Variants in RPUSD4 observed in about 807,000 individuals in gnomAD.
The protein encoded by RPUSD4 is RNA pseudouridine synthase D4.
RPUSD4 carries 37 observed loss-of-function variants against 35.4 expected under a neutral mutation model. The ratio of observed to expected loss-of-function variants is 1.04; its 90% CI spans 0.80 to 1.37. The LOEUF is 1.37. RPUSD4 is among the 40% of genes most tolerant of loss of function. The probability of loss-of-function intolerance (pLI) is 0.00; values close to 1 mark genes in which losing one functional copy is unlikely to be tolerated. For missense variants in RPUSD4, 507 were observed against 484.9 expected (o/e 1.05, Z -0.43); for synonymous variants, 210 against 192.7 (o/e 1.09, Z -0.74).
At chr11:126,210,550 C>CACA (rs3220746) in intron 2 of RPUSD4, among the ~76,000 whole-genome samples, 1 of 144,634 alleles carries the variant, frequency 6.9e-6, no homozygotes, top group African/African-American at 2.6e-5. Flanking sequence ...CACACACACA[C>CACA]CCCCTTTTTT....
intron 3 of RPUSD4, among the ~76,000 whole-genome samples, chr11:126,207,457 C>T (rs140085630): frequency 1.0e-3 from 156 of 152,314 alleles, no homozygotes; most frequent in Non-Finnish European, 1.8e-3. Context: ...TTAAAGGGCT[C>T]CTCAGATTCA....
chr11:126,207,891 C>G (rs1949789796), intron 3 of RPUSD4, among the ~76,000 whole-genome samples: 1 of 150,488 alleles, frequency 6.6e-6, no homozygotes, highest in South Asian at 2.1e-4. Flanking sequence ...TAATAATAAA[C>G]AACCCTGTAG....
Position 126,202,268 on chromosome 11 carries a change from T to G in RPUSD4, c.*1150A>C, listed in dbSNP as rs1029477170. 6.6e-6 allele frequency: 1 copy of G among 152,232 alleles called. No individual in the cohort carries two copies. The highest frequency in any genetic ancestry group is 1.5e-5 in the Non-Finnish European group (1 of 68,076). The allele number at this position is 152,232 out of a possible 1,614,324, so 9.4% of individuals were successfully genotyped here. On this transcript the variant is annotated 3_prime_UTR_variant, in exon 7 of 7. Coordinates refer to ENST00000298317, the MANE Select transcript of RPUSD4 (RefSeq NM_032795.3). ...GTCAGAAAGAAAAAGTAGTGTGAGG[T>G]GTATTTGTTTGCAAGAAACAAGGTG... is the stretch of plus-strand genomic sequence containing the variant.
In RPUSD4 at chr11:126,202,682, A is replaced by G. The variant is rs1388802392; in HGVS notation, c.*736T>C. The G allele has an allele frequency of 1.3e-5, 2 of 152,258 alleles. No homozygotes were observed. The highest frequency in any genetic ancestry group is 2.9e-5 in the Non-Finnish European group (2 of 68,056). The allele number at this position is 152,258 out of a possible 1,614,324, so 9.4% of individuals were successfully genotyped here. A position where few individuals can be genotyped will look rare whatever the true frequency, so the allele number is the denominator to read the frequency against. On this transcript the variant is annotated 3_prime_UTR_variant, in exon 7 of 7. Transcript: ENST00000298317. The stretch of plus-strand genomic sequence containing the variant: ...AAAAATTTGATTTAGTTGGCAATAC[A>G]CTGGGAGGTTTCACATAAATATCTA...
Position 126,211,449 on chromosome 11 carries a change from C to T in RPUSD4, c.189+1G>A, listed in dbSNP as rs1949866905. ...GGGAGTTCTGGTCCCTTTGGACTCA[C>T]CGGCTCCTTCTTTGTGTCTTGTTCC... On this transcript the variant is annotated splice_donor_variant, in intron 1 of 6. Transcript: ENST00000298317. LOFTEE classifies it high-confidence loss of function. 6.2e-7 allele frequency: 1 copy of T among 1,611,104 alleles called. No homozygotes were observed. Among genetic ancestry groups the T allele is most frequent in the South Asian group, 1.1e-5 (1 of 90,880 alleles).
intron 3 of RPUSD4, chr11:126,209,197 C>A (rs1295277750): frequency 4.1e-6 from 1 of 243,016 alleles, no homozygotes; most frequent in African/African-American, 2.3e-5. Flanking sequence ...CACTATGTTG[C>A]CCAGGCTGTT....
chr11:126,206,037 A>C (rs769650579), intron 3 of RPUSD4: 8 of 360,124 alleles, frequency 2.2e-5, no homozygotes, highest in Non-Finnish European at 3.5e-5. Context: ...AATTACATTA[A>C]TAACATGGTC....
At chr11:126,209,770 C>T in intron 2 of RPUSD4, 48 bp from the exon 3 acceptor site, 3 of 1,501,012 alleles carry the variant, frequency 2.0e-6, no homozygotes, top group Non-Finnish European at 2.7e-6. Context: ...AAAGATCTCG[C>T]CAAAGAACTC....
At chr11:126,207,783 G>C (rs1407633409) in intron 3 of RPUSD4, among the ~76,000 whole-genome samples, 1 of 151,752 alleles carries the variant, frequency 6.6e-6, no homozygotes, top group Non-Finnish European at 1.5e-5. Context: ...AGGTTGCAGT[G>C]AGCCAAGATT....
chr11:126,211,320 C>T, intron 1 of RPUSD4, 130 bp downstream of exon 1: 2 of 1,108,530 alleles, frequency 1.8e-6, no homozygotes, highest in African/African-American at 1.6e-5. Context: ...CCGCCTTCTC[C>T]CCATTCTCCC....
intron 1 of RPUSD4, 57 bp downstream of exon 1, chr11:126,211,393 G>C (rs574216040): frequency 6.6e-7 from 1 of 1,526,078 alleles, no homozygotes; most frequent in Non-Finnish European, 8.8e-7. Context: ...CCTACTCCCC[G>C]TCTGGGAAAC....
chr11:126,204,396 C>T (rs1054560963), intron 5 of RPUSD4, 68 bp from the exon 6 acceptor site: 12 of 1,148,856 alleles, frequency 1.0e-5, no homozygotes, highest in Non-Finnish European at 1.4e-5. Context: ...CCAGTATTGG[C>T]ATCTGCTTCA....
rs1416854738 is a variant in RPUSD4 at position 126,203,333 on chromosome 11, T to G, written c.*85A>C. On this transcript the variant is annotated 3_prime_UTR_variant, in exon 7 of 7. Coordinates refer to ENST00000298317, the MANE Select transcript of RPUSD4 (RefSeq NM_032795.3). ...CAGAGTCCTGTAAACAAAGAACAGT[T>G]CAGGGGCCAACCTGCGCTCCCAGGT... The G allele has an allele frequency of 1.3e-6, 2 of 1,561,842 alleles. No individual in the cohort carries two copies. The highest frequency in any genetic ancestry group is 2.7e-5 in the African/African-American group (2 of 74,298).
At chr11:126,209,802 A>G in intron 2 of RPUSD4, 80 bp from the exon 3 acceptor site, 1 of 1,151,652 alleles carries the variant, frequency 8.7e-7, no homozygotes, top group Non-Finnish European at 1.3e-6. Flanking sequence ...AAAGCCCTTA[A>G]TGGATAAACT....
chr11:126,211,389 C>A, intron 1 of RPUSD4, 61 bp downstream of exon 1: 4 of 1,519,424 alleles, frequency 2.6e-6, no homozygotes, highest in South Asian at 1.3e-5. Context: ...CCTACCTACT[C>A]CCCGTCTGGG....
At position 126,203,235 on chromosome 11, in the gene RPUSD4, G is replaced by T; in HGVS notation, c.*183C>A. ...AAATAGACTTTGTTCTCCATTAAAA[G>T]CCCTGTAGCAGCTGAGTTGCTTTAC... On this transcript the variant is annotated 3_prime_UTR_variant, in exon 7 of 7. Coordinates refer to ENST00000298317, the MANE Select transcript of RPUSD4 (RefSeq NM_032795.3). 1 of 776,008 alleles carries T rather than the reference G, an allele frequency of 1.3e-6. No individual in the cohort carries two copies. Among genetic ancestry groups the T allele is most frequent in the Non-Finnish European group, 2.0e-6 (1 of 492,082 alleles). The allele number at this position is 776,008 out of a possible 1,614,324, so 48.1% of individuals were successfully genotyped here.
intron 2 of RPUSD4, among the ~76,000 whole-genome samples, chr11:126,210,459 T>C (rs1349225277): frequency 1.3e-5 from 2 of 151,826 alleles, no homozygotes; most frequent in Non-Finnish European, 2.9e-5. Flanking sequence ...TGAAAGACAT[T>C]TGAAGGTCCA....
chr11:126,211,426 G>C (rs866184352), intron 1 of RPUSD4, 24 bp downstream of exon 1: 1 of 1,594,808 alleles, frequency 6.3e-7, no homozygotes, highest in South Asian at 1.1e-5. Flanking sequence ...TGCCTCTAGG[G>C]AGTTCTGGTC....
At chr11:126,207,799 A>G (rs1949787958) in intron 3 of RPUSD4, among the ~76,000 whole-genome samples, 1 of 152,046 alleles carries the variant, frequency 6.6e-6, no homozygotes, top group Non-Finnish European at 1.5e-5. Context: ...AGATTGTGCC[A>G]CTGCCCTCCA....
Sources: gnomAD v4.1 joint callset for allele counts (sites outside exome capture counted in the v4.1 genomes callset) on GRCh38, gnomAD v4.1.1 for gene constraint, MANE v1.5 for transcripts, NCBI Gene and HGNC (gene_info 2026-07-23, HGNC 2026-07-21) for gene names.